PCID2: variants seen among roughly 807,000 people sequenced by gnomAD.
PCID2 encodes PCI domain-containing protein 2.
A neutral mutation model predicts 61.3 loss-of-function variants in PCID2; 41 were observed. That is an observed-to-expected ratio of 0.67 (90% CI 0.52 to 0.87). The LOEUF is 0.87. Among genes scored for constraint, PCID2 ranks in the 40% least tolerant of loss-of-function variants. The probability of loss-of-function intolerance (pLI) is 0.00; values close to 1 mark genes in which losing one functional copy is unlikely to be tolerated. For missense variants in PCID2, 392 were observed against 493.4 expected (o/e 0.79, Z 1.95); for synonymous variants, 187 against 177.8 (o/e 1.05, Z -0.41).
In PCID2 at chr13:113,177,864, A is replaced by C. The variant is rs1442446490; in HGVS notation, c.*334T>G. On this transcript the variant is annotated 3_prime_UTR_variant, in exon 14 of 14. Transcript: ENST00000337344. The stretch of plus-strand genomic sequence containing the variant: ...ATACGCTTTTTACACAAAGAACTAC[A>C]AAAAGTTACAAAGACAGCCTTCAGG... The C allele has an allele frequency of 5.3e-6, 1 of 187,546 alleles. No homozygotes were observed. Among genetic ancestry groups the C allele is most frequent in the Non-Finnish European group, 1.1e-5 (1 of 88,706 alleles). 11.6% of individuals were successfully genotyped at this position (187,546 alleles called of 1,614,324 possible).
At chr13:113,177,326 G>A (rs978615102), downstream of PCID2, among the ~76,000 whole-genome samples, 17 of 151,486 alleles carry the variant, frequency 1.1e-4, no homozygotes, top group East Asian at 7.8e-4. Context: ...TAGTAGAGAC[G>A]GGGTTTCTCC....
chr13:113,170,337 C>T, the PCID2 span: 2 of 890,812 alleles, frequency 2.2e-6, no homozygotes, highest in Non-Finnish European at 3.8e-6. Context: ...GGTCCATATC[C>T]CTATCCAGTA....
intron 8 of PCID2, 145 bp from the exon 9 acceptor site, chr13:113,184,632 G>A: frequency 1.6e-6 from 1 of 609,202 alleles, no homozygotes; most frequent in Non-Finnish European, 2.9e-6. Flanking sequence ...CCAAAACAGA[G>A]AGCAGCCAGC....
In PCID2 at chr13:113,185,411, T is replaced by A; in HGVS notation, c.543+74A>T. ...AAGCAACGCCAGGGAGGCTAGCTGA[T>A]ATATATATGATATGTGGGAAGCCCA... is the stretch of plus-strand genomic sequence containing the variant. On this transcript the variant is annotated intron_variant, in intron 8 of 13. Transcript: ENST00000337344. The A allele has an allele frequency of 2.0e-6, 2 of 986,230 alleles. 1 individual carries two copies. 61.1% of individuals were successfully genotyped at this position (986,230 alleles called of 1,614,324 possible). A position where few individuals can be genotyped will look rare whatever the true frequency, so the allele number is the denominator to read the frequency against.
At chr13:113,193,290 C>A (rs781211759) in intron 6 of PCID2, among the ~76,000 whole-genome samples, 1 of 151,822 alleles carries the variant, frequency 6.6e-6, no homozygotes, top group African/African-American at 2.4e-5. Flanking sequence ...AAAAAAAAAA[C>A]TGCCTCTTGG....
chr13:113,178,396 A>ACAGTT, intron 13 of PCID2, 109 bp from the exon 14 acceptor site: 1 of 748,650 alleles, frequency 1.3e-6, no homozygotes, highest in South Asian at 1.6e-5. Context: ...CAAGAGCGGC[A>ACAGTT]CAGTTCAGTT....
Position 113,178,951 on chromosome 13 carries a change from C to A in PCID2, c.1110+15G>T, listed in dbSNP as rs766569790. 1.2e-6 allele frequency: 2 copies of A among 1,606,280 alleles called. No individual in the cohort carries two copies. The highest frequency in any genetic ancestry group is 1.7e-6 in the Non-Finnish European group (2 of 1,176,736). On this transcript the variant is annotated intron_variant, in intron 13 of 13. Transcript: ENST00000337344. ...CTGTGAGTAGCTGCTTAAATTAAAA[C>A]CAGGACTCACACACCATGTATATCA...
At chr13:113,172,047 T>C in the PCID2 span, 4 of 1,612,988 alleles carry the variant, frequency 2.5e-6, no homozygotes, top group South Asian at 2.2e-5. Context: ...CAGGCTCACA[T>C]GGTCCTTGTC....
In PCID2 at chr13:113,195,183, C is replaced by G. The variant is rs2038921941; in HGVS notation, c.309-58G>C. On this transcript the variant is annotated intron_variant, in intron 5 of 13. Coordinates refer to ENST00000337344, the MANE Select transcript of PCID2 (RefSeq NM_001127202.4). ...GCTACGTGGGCCAAGATTCCATCCC[C>G]AGAGGTGGGAAGAACACGGACACCC... The G allele has an allele frequency of 5.6e-6, 6 of 1,066,568 alleles. No homozygotes were observed. In the East Asian group the frequency reaches 1.4e-4, roughly 25 times the overall value. The allele number at this position is 1,066,568 out of a possible 1,614,324, so 66.1% of individuals were successfully genotyped here.
At chr13:113,174,558 G>A (rs9577474), downstream of PCID2, among the ~76,000 whole-genome samples, 2,394 of 152,296 alleles carry the variant, frequency 0.016, 165 homozygotes, top group East Asian at 0.21. Context: ...TGCAGGGCAC[G>A]ATCCTAGCTC....
At chr13:113,184,706 C>A (rs1321612639) in intron 8 of PCID2, among the ~76,000 whole-genome samples, 1 of 152,274 alleles carries the variant, frequency 6.6e-6, no homozygotes, top group East Asian at 1.9e-4. Flanking sequence ...CTGCAGGAGC[C>A]CATGCTGGTG....
At chr13:113,180,847 T>C (rs1168738335) in intron 10 of PCID2, among the ~76,000 whole-genome samples, 1 of 152,238 alleles carries the variant, frequency 6.6e-6, no homozygotes, top group African/African-American at 2.4e-5. Context: ...ATACAAATGA[T>C]ACGTACTTAT....
intron 8 of PCID2, among the ~76,000 whole-genome samples, chr13:113,185,091 T>C (rs939429780): frequency 6.6e-6 from 1 of 152,218 alleles, no homozygotes; most frequent in Non-Finnish European, 1.5e-5. Flanking sequence ...GTGGCAATGG[T>C]TTCTTTATCC....
downstream of PCID2, among the ~76,000 whole-genome samples, chr13:113,175,091 C>T (rs2037167014): frequency 1.3e-5 from 2 of 152,178 alleles, no homozygotes; most frequent in Non-Finnish European, 2.9e-5. Flanking sequence ...GCTCACTTCC[C>T]CTTCCGCCAT....
chr13:113,202,529 T>C (rs1181566004), intron 1 of PCID2, among the ~76,000 whole-genome samples: 1 of 152,238 alleles, frequency 6.6e-6, no homozygotes, highest in African/African-American at 2.4e-5. Context: ...TAAGGCACAC[T>C]ATGCAACCAT....
rs530661772 is a variant in PCID2, at chr13:113,198,704, C to CATAAATAAATAA, written c.127-452_127-441dup. Among the ~76,000 whole-genome samples, 1,304 of 151,902 alleles carry CATAAATAAATAA rather than the reference C, an allele frequency of 8.6e-3. 19 individuals are homozygous for CATAAATAAATAA. Among genetic ancestry groups the CATAAATAAATAA allele is most frequent in the African/African-American group, 0.03 (1,250 of 41,364 alleles). On this transcript the variant is annotated intron_variant, in intron 2 of 13. Transcript: ENST00000337344. ...TGGGTGACAGAGGGAGACTCTGTCT[C>CATAAATAAATAA]ATAAATAAATAAATAAATAAATGGT... is the stretch of plus-strand genomic sequence containing the variant.
intron 1 of PCID2, among the ~76,000 whole-genome samples, chr13:113,202,808 G>C (rs981500041): frequency 6.6e-6 from 1 of 152,116 alleles, no homozygotes; most frequent in Non-Finnish European, 1.5e-5. Flanking sequence ...GAGAGAGAAG[G>C]AAAGTTTCTG....
At chr13:113,165,247 A>G in the PCID2 span, 114 of 900,612 alleles carry the variant, frequency 1.3e-4, 3 homozygotes, top group East Asian at 3.0e-3. Flanking sequence ...TACTGACTGC[A>G]CTGACCAACC....
At chr13:113,188,146 G>C (rs1477073827) in intron 7 of PCID2, 1 of 152,252 alleles carries the variant, frequency 6.6e-6, no homozygotes, top group Admixed American at 6.5e-5. Flanking sequence ...CCAGCAGTGA[G>C]AGGCTTTAGA....
Sources: allele counts gnomAD v4.1 joint callset (sites outside exome capture counted in the v4.1 genomes callset), GRCh38; gene constraint gnomAD v4.1.1; transcripts MANE v1.5; gene names NCBI Gene and HGNC (gene_info 2026-07-23, HGNC 2026-07-21).